CHODL: variants seen among roughly 807,000 people sequenced by gnomAD.
The protein encoded by CHODL is chondrolectin.
CHODL carries 29 observed loss-of-function variants against 34.5 expected under a neutral mutation model. That is an observed-to-expected ratio of 0.84 (90% CI 0.63 to 1.15). The LOEUF is 1.15. Among genes scored for constraint, CHODL ranks in the 50% most tolerant of loss-of-function variants. The pLI, the probability that CHODL is intolerant of heterozygous loss-of-function variation, is 0.00. For missense variants in CHODL, 332 were observed against 332.5 expected, an observed-to-expected ratio of 1.00 and a Z score of 0.01; for synonymous variants, 125 against 116.1, an observed-to-expected ratio of 1.08 and a Z score of -0.49.
intron 2 of CHODL, among the ~76,000 whole-genome samples, chr21:18,063,753 A>T (rs1439114914): frequency 6.6e-6 from 1 of 152,236 alleles, no homozygotes; most frequent in East Asian, 1.9e-4. Context: ...ATTTAAAAAT[A>T]CTTTAAGGAA....
chr21:17,948,496 G>GT (rs1600997263), intron 1 of CHODL, among the ~76,000 whole-genome samples: 1 of 151,816 alleles, frequency 6.6e-6, no homozygotes, highest in African/African-American at 2.4e-5. Flanking sequence ...TTAAGAGTTT[G>GT]TTTTTTGAAA....
chr21:17,979,179 G>A (rs1194063362), intron 1 of CHODL, among the ~76,000 whole-genome samples: 1 of 152,146 alleles, frequency 6.6e-6, no homozygotes, highest in African/African-American at 2.4e-5. Context: ...TTAAATTTCA[G>A]AGATTAGCCA....
chr21:18,001,773 C>CT (rs59908803), intron 1 of CHODL, among the ~76,000 whole-genome samples: 2,738 of 124,128 alleles, frequency 0.022, 52 homozygotes, highest in Non-Finnish European at 0.036. Flanking sequence ...GCCTCATCCT[C>CT]TTTTTTTTTT....
chr21:18,199,384 C>G lies in CHODL; in HGVS notation c.-44-57125C>G, dbSNP rs575876088. ...AGATAGCACAGAGAGAGTTTCCTTC[C>G]CATATACTCCCTCTGCCCAGACAGT... is the stretch of plus-strand genomic sequence containing the variant. On this transcript the variant is annotated intron_variant, in intron 2 of 6. Coordinates refer to the CHODL transcript ENST00000400127. Among the ~76,000 whole-genome samples, 181 of 152,088 alleles carry G rather than the reference C, an allele frequency of 1.2e-3. 4 individuals are homozygous for G. The highest frequency in any genetic ancestry group is 3.4e-3 in the Middle Eastern group (1 of 294).
chr21:18,090,908 G>A (rs141656741), intron 2 of CHODL, among the ~76,000 whole-genome samples: 2 of 152,208 alleles, frequency 1.3e-5, no homozygotes, highest in African/African-American at 4.8e-5. Flanking sequence ...GCAGTCACAG[G>A]ACCTGGTTTT....
At chr21:18,106,817 C>T (rs1248362322) in intron 2 of CHODL, among the ~76,000 whole-genome samples, 2 of 152,142 alleles carry the variant, frequency 1.3e-5, no homozygotes, top group East Asian at 3.9e-4. Context: ...AATTCTAATT[C>T]CTGGGAACTC....
Position 17,971,941 on chromosome 21 carries a change from C to T in CHODL, c.-145+54541C>T, listed in dbSNP as rs954647148. On this transcript the variant is annotated intron_variant, in intron 1 of 6. Transcript: ENST00000400127. ...AATACTGGCAAACTGAATCCAGCAG[C>T]TCATCAAAAAGCTTATCTACCACGA... Among the ~76,000 whole-genome samples, 98 of 152,142 alleles carry T rather than the reference C, an allele frequency of 6.4e-4. 1 individual carries two copies. Among genetic ancestry groups the T allele is most frequent in the Admixed American group, 6.4e-3 (98 of 15,264 alleles).
chr21:18,098,420 A>G (rs1323585662), intron 2 of CHODL, among the ~76,000 whole-genome samples: 2 of 152,122 alleles, frequency 1.3e-5, no homozygotes. Context: ...AAATTTTTCA[A>G]AAAAAGACAT....
At chr21:18,070,036 A>ACC (rs1360966218) in intron 2 of CHODL, among the ~76,000 whole-genome samples, 3 of 30,962 alleles carry the variant, frequency 9.7e-5, no homozygotes, top group African/African-American at 3.1e-4. Flanking sequence ...CCCCCCCCCC[A>ACC]CCCATTTCCT....
At chr21:17,954,051 C>G (rs2063479439) in intron 1 of CHODL, among the ~76,000 whole-genome samples, 2 of 151,712 alleles carry the variant, frequency 1.3e-5, no homozygotes, top group African/African-American at 4.8e-5. Context: ...AATGTAAAGA[C>G]TAAGAAGTTG....
intron 2 of CHODL, among the ~76,000 whole-genome samples, chr21:18,028,257 TCTTTTTCTTTTTCCTTTTCC>T (rs1413150147): frequency 1.4e-5 from 1 of 71,948 alleles, no homozygotes; most frequent in Non-Finnish European, 2.8e-5. Flanking sequence ...CTTTTCCTTT[TCTTTTTCTTTTTCCTTTTCC>T]CCTTCCTTCC....
chr21:18,174,907 C>T (rs915047020), intron 2 of CHODL, among the ~76,000 whole-genome samples: 1 of 152,192 alleles, frequency 6.6e-6, no homozygotes, highest in African/African-American at 2.4e-5. Flanking sequence ...GTTTAGCATG[C>T]AGACTCTGAA....
chr21:18,175,409 T>C (rs750130307), intron 2 of CHODL, among the ~76,000 whole-genome samples: 1 of 151,964 alleles, frequency 6.6e-6, no homozygotes, highest in Admixed American at 6.6e-5. Flanking sequence ...CTGGCCAACA[T>C]AGTGAAATCC....
At chr21:18,169,918 T>G in intron 2 of CHODL, among the ~76,000 whole-genome samples, 1 of 152,052 alleles carries the variant, frequency 6.6e-6, no homozygotes, top group East Asian at 1.9e-4. Context: ...TTTCCAAATT[T>G]CCTTCTGTTA....
chr21:18,175,537 G>A (rs1049475427), intron 2 of CHODL, among the ~76,000 whole-genome samples: 3 of 151,712 alleles, frequency 2.0e-5, no homozygotes, highest in Non-Finnish European at 2.9e-5. Context: ...AGGTTGCAGT[G>A]AGCCGAGATG....
chr21:18,174,131 A>ATATATCTTGG (rs2073268127), intron 2 of CHODL, among the ~76,000 whole-genome samples: 2 of 13,356 alleles, frequency 1.5e-4, no homozygotes, highest in South Asian at 3.0e-3. Context: ...GTGTATATAT[A>ATATATCTTGG]TATATATATA....
chr21:18,243,537 T>A (rs1183269664), upstream of CHODL, among the ~76,000 whole-genome samples: 1 of 149,410 alleles, frequency 6.7e-6, no homozygotes, highest in Non-Finnish European at 1.5e-5. Context: ...TGTAGTTATT[T>A]TAGAATTCTA....
At chr21:17,931,395 G>T (rs1285422237) in intron 1 of CHODL, among the ~76,000 whole-genome samples, 3 of 152,118 alleles carry the variant, frequency 2.0e-5, no homozygotes, top group African/African-American at 7.2e-5. Flanking sequence ...ACTGTCATGG[G>T]GAAAATAATC....
intron 1 of CHODL, among the ~76,000 whole-genome samples, chr21:18,249,090 A>AAT (rs544484098): frequency 4.3e-4 from 54 of 124,660 alleles, no homozygotes; most frequent in Middle Eastern, 7.9e-3. Flanking sequence ...TATATAATAA[A>AAT]ATATATATAT....
Sources: allele counts gnomAD v4.1 joint callset (sites outside exome capture counted in the v4.1 genomes callset), GRCh38; gene constraint gnomAD v4.1.1; transcripts MANE v1.5; gene names NCBI Gene and HGNC (gene_info 2026-07-23, HGNC 2026-07-21).